The following PRIM2 variants were observed in gnomAD, a reference collection of about 807,000 sequenced individuals.
PRIM2 encodes the protein DNA primase subunit 2, also known as DNA primase large subunit.
PRIM2 carries 39 observed loss-of-function variants against 67.3 expected under a neutral mutation model. That is an observed-to-expected ratio of 0.58 (90% confidence interval 0.45 to 0.76). The LOEUF (loss-of-function observed/expected upper bound fraction) is 0.76. PRIM2 is among the 30% of genes least tolerant of loss of function. The pLI, the probability that PRIM2 is intolerant of heterozygous loss-of-function variation, is 0.00. For synonymous variants in PRIM2, 143 were observed against 198.7 expected, an observed-to-expected ratio of 0.72 and a Z score of 2.36; for missense variants, 398 against 598.7, an observed-to-expected ratio of 0.66 and a Z score of 3.50.
chr6:57,565,403 G>A (rs1332914262), intron 10 of PRIM2, among the ~76,000 whole-genome samples: 2 of 148,710 alleles, frequency 1.3e-5, no homozygotes, highest in South Asian at 4.5e-4. Context: ...AGCCTGAGAA[G>A]TTCTATGATC....
At chr6:57,309,512 T>C in the PRIM2 span, among the ~76,000 whole-genome samples, 3 of 152,170 alleles carry the variant, frequency 2.0e-5, no homozygotes, top group South Asian at 6.2e-4. Context: ...GGTGTATATG[T>C]GCCACATTTT....
chr6:57,529,933 A>AATC (rs1436053923), intron 8 of PRIM2, among the ~76,000 whole-genome samples: 96 of 152,096 alleles, frequency 6.3e-4, no homozygotes, highest in Middle Eastern at 3.4e-3. Flanking sequence ...GGACTCTCTG[A>AATC]AGAGTCTTGA....
chr6:57,392,078 C>T (rs562754115), intron 7 of PRIM2, among the ~76,000 whole-genome samples: 8 of 151,922 alleles, frequency 5.3e-5, no homozygotes, highest in African/African-American at 1.5e-4. Flanking sequence ...CTTATTGTTG[C>T]GATCTTTCAC....
At chr6:57,389,456 A>G (rs1174105021) in intron 7 of PRIM2, among the ~76,000 whole-genome samples, 1 of 152,112 alleles carries the variant, frequency 6.6e-6, no homozygotes, top group Non-Finnish European at 1.5e-5. Context: ...TTTAGAAGGT[A>G]CTGGTAAAAC....
At chr6:57,636,835 C>T (rs1777130191) in intron 13 of PRIM2, among the ~76,000 whole-genome samples, 1 of 152,226 alleles carries the variant, frequency 6.6e-6, no homozygotes, top group African/African-American at 2.4e-5. Flanking sequence ...GATGCAGCTT[C>T]AGCAGACTTA....
At position 57,388,552 on chromosome 6, in the gene PRIM2, A is replaced by G. The variant is rs577898255; in HGVS notation, c.693+6384A>G. ...ATATGAATTAATGCATTTAGTCTTT[A>G]TGGTAACCCTATAAGGCAGGTACCA... On this transcript the variant is annotated intron_variant, in intron 7 of 13. Transcript: ENST00000615550. Among the ~76,000 whole-genome samples, 4 of 152,298 alleles carry G rather than the reference A, an allele frequency of 2.6e-5. No individual in the cohort carries two copies. In the South Asian group the frequency reaches 6.2e-4, roughly 24 times the overall value.
chr6:57,518,432 C>T (rs1293453076), intron 8 of PRIM2, among the ~76,000 whole-genome samples: 1 of 152,150 alleles, frequency 6.6e-6, no homozygotes, highest in Non-Finnish European at 1.5e-5. Context: ...TTTGCTTGTT[C>T]AATATTTTTT....
chr6:57,358,450 T>C (rs1164056733), intron 5 of PRIM2, among the ~76,000 whole-genome samples: 3 of 152,174 alleles, frequency 2.0e-5, no homozygotes, highest in Non-Finnish European at 4.4e-5. Context: ...TTCAAAATCC[T>C]TCAAGAAGGT....
At chr6:57,549,875 C>T (rs1430727725) in intron 10 of PRIM2, among the ~76,000 whole-genome samples, 1 of 152,060 alleles carries the variant, frequency 6.6e-6, no homozygotes, top group Non-Finnish European at 1.5e-5. Flanking sequence ...GACCTGAGGT[C>T]GGGAGTTTGA....
chr6:57,288,372 C>T, the PRIM2 span, among the ~76,000 whole-genome samples: 1 of 152,184 alleles, frequency 6.6e-6, no homozygotes, highest in African/African-American at 2.4e-5. Context: ...CAGGGCATAT[C>T]AGAACAAAAG....
chr6:57,332,801 A>T (rs34036192), intron 5 of PRIM2, among the ~76,000 whole-genome samples: 73 of 152,072 alleles, frequency 4.8e-4, no homozygotes, highest in Non-Finnish European at 9.3e-4. Flanking sequence ...TAGTTGGATC[A>T]TCTTCTTTTC....
intron 7 of PRIM2, among the ~76,000 whole-genome samples, chr6:57,397,366 A>T (rs953625081): frequency 2.0e-4 from 31 of 152,092 alleles, no homozygotes; most frequent in African/African-American, 7.2e-4. Context: ...TCATATTTTC[A>T]TATTCTTTTT....
At chr6:57,442,596 T>C (rs1476362701) in intron 7 of PRIM2, among the ~76,000 whole-genome samples, 2 of 152,132 alleles carry the variant, frequency 1.3e-5, no homozygotes, top group African/African-American at 4.8e-5. Context: ...AATTTAATCA[T>C]GGTGGTATTT....
At chr6:57,412,634 G>A (rs549587178) in intron 7 of PRIM2, among the ~76,000 whole-genome samples, 2 of 152,130 alleles carry the variant, frequency 1.3e-5, no homozygotes, top group African/African-American at 4.8e-5. Context: ...CTAACATGAT[G>A]GGTAAAAGTA....
At chr6:57,226,330 A>T in the PRIM2 span, among the ~76,000 whole-genome samples, 1 of 152,230 alleles carries the variant, frequency 6.6e-6, no homozygotes, top group African/African-American at 2.4e-5. Flanking sequence ...TGATACAGTG[A>T]TTTTTAAGCT....
chr6:57,366,041 A>G (rs1258331098), intron 5 of PRIM2, among the ~76,000 whole-genome samples: 2 of 151,832 alleles, frequency 1.3e-5, no homozygotes, highest in African/African-American at 4.8e-5. Flanking sequence ...TGAGGGAGAT[A>G]TAAATGCTTA....
the PRIM2 span, among the ~76,000 whole-genome samples, chr6:57,306,258 C>T: frequency 6.6e-6 from 1 of 152,142 alleles, no homozygotes; most frequent in Non-Finnish European, 1.5e-5. Flanking sequence ...CAGGGCCAGA[C>T]TCAGCTCCAA....
At chr6:57,573,539 A>G (rs1287315001) in intron 10 of PRIM2, among the ~76,000 whole-genome samples, 4 of 152,148 alleles carry the variant, frequency 2.6e-5, no homozygotes, top group Non-Finnish European at 5.9e-5. Context: ...AGTTTATGAC[A>G]TGATAAACCA....
At chr6:57,550,433 A>G (rs1775377188) in intron 10 of PRIM2, among the ~76,000 whole-genome samples, 2 of 152,170 alleles carry the variant, frequency 1.3e-5, no homozygotes, top group Non-Finnish European at 2.9e-5. Context: ...GTCAAAATTC[A>G]AATTAAATTA....
Sources: gnomAD v4.1 joint callset for allele counts (sites outside exome capture counted in the v4.1 genomes callset) on GRCh38, gnomAD v4.1.1 for gene constraint, MANE v1.5 for transcripts, NCBI Gene and HGNC (gene_info 2026-07-23, HGNC 2026-07-21) for gene names.